The following ST6GALNAC3 variants were observed in gnomAD, a reference collection of about 807,000 sequenced individuals.
ST6GALNAC3 encodes ST6 N-acetylgalactosaminide alpha-2,6-sialyltransferase 3.
A neutral mutation model predicts 32.7 loss-of-function variants in ST6GALNAC3; 25 were observed. The ratio of observed to expected loss-of-function variants is 0.76; its 90% CI spans 0.56 to 1.07. ST6GALNAC3 has a LOEUF of 1.07. Among genes scored for constraint, ST6GALNAC3 ranks in the 50% least tolerant of loss-of-function variants. The probability of loss-of-function intolerance (pLI) is 0.00; values close to 1 mark genes in which losing one functional copy is unlikely to be tolerated. For missense variants in ST6GALNAC3, 355 were observed against 382.4 expected, an observed-to-expected ratio of 0.93 and a Z score of 0.60; for synonymous variants, 129 against 133.1, an observed-to-expected ratio of 0.97 and a Z score of 0.21.
intron 1 of ST6GALNAC3, among the ~76,000 whole-genome samples, chr1:76,159,304 T>C (rs1375136635): frequency 6.6e-6 from 1 of 152,248 alleles, no homozygotes; most frequent in African/African-American, 2.4e-5. Context: ...TTCTCATGCC[T>C]CAGCCTCCCA....
At chr1:76,162,770 G>T (rs531111790) in intron 1 of ST6GALNAC3, among the ~76,000 whole-genome samples, 13 of 152,182 alleles carry the variant, frequency 8.5e-5, no homozygotes, top group Non-Finnish European at 1.6e-4. Context: ...GTATGTAAGT[G>T]CCAGGTGAGC....
chr1:76,211,686 C>A (rs1159484696), intron 1 of ST6GALNAC3, among the ~76,000 whole-genome samples: 2 of 150,782 alleles, frequency 1.3e-5, no homozygotes, highest in African/African-American at 4.9e-5. Context: ...ATCACAAGGA[C>A]AAAATACCAA....
At chr1:76,524,885 A>T (rs1041497344) in intron 3 of ST6GALNAC3, among the ~76,000 whole-genome samples, 2 of 151,958 alleles carry the variant, frequency 1.3e-5, no homozygotes, top group Non-Finnish European at 2.9e-5. Flanking sequence ...AGAAATATAT[A>T]AAAAAATTTT....
chr1:76,145,952 T>A (rs555518257), intron 1 of ST6GALNAC3, among the ~76,000 whole-genome samples: 1 of 152,346 alleles, frequency 6.6e-6, no homozygotes, highest in East Asian at 1.9e-4. Context: ...TCTGGACCTG[T>A]ACCTAAGATA....
intron 3 of ST6GALNAC3, among the ~76,000 whole-genome samples, chr1:76,587,128 T>G (rs1438361892): frequency 6.6e-6 from 1 of 152,230 alleles, no homozygotes; most frequent in African/African-American, 2.4e-5. Flanking sequence ...ATTCTTAGAA[T>G]GACTTTATAT....
intron 3 of ST6GALNAC3, among the ~76,000 whole-genome samples, chr1:76,534,569 A>G (rs992400473): frequency 6.6e-6 from 1 of 152,030 alleles, no homozygotes; most frequent in Admixed American, 6.6e-5. Context: ...CTTGTCTCTC[A>G]TGTAATTCCT....
intron 1 of ST6GALNAC3, among the ~76,000 whole-genome samples, chr1:76,204,034 G>C (rs1389948238): frequency 2.6e-5 from 4 of 151,932 alleles, no homozygotes; most frequent in African/African-American, 7.3e-5. Context: ...ATCAACCTTT[G>C]TTTATCCCCT....
Position 76,422,871 on chromosome 1 carries a change from C to A in ST6GALNAC3, c.623+10454C>A, listed in dbSNP as rs867712130. Among the ~76,000 whole-genome samples the A allele has an allele frequency of 3.3e-5, 5 of 152,050 alleles. No homozygotes were observed. In the South Asian group the frequency reaches 6.2e-4, roughly 19 times the overall value. ...TTTTTCACGGCGAGGAGTTTTTTAA[C>A]CTCCTGTGAAAGTCCTACTGCAACT... is the stretch of plus-strand genomic sequence containing the variant. On this transcript the variant is annotated intron_variant, in intron 3 of 4. Coordinates refer to ENST00000328299, the MANE Select transcript of ST6GALNAC3 (RefSeq NM_152996.4).
chr1:76,437,158 CTTT>C (rs1283473524), intron 3 of ST6GALNAC3, among the ~76,000 whole-genome samples: 1 of 152,092 alleles, frequency 6.6e-6, no homozygotes, highest in Admixed American at 6.5e-5. Context: ...TTCTTGGTTT[CTTT>C]ATGTTTTTTC....
At chr1:76,408,681 C>T (rs1654005325) in intron 2 of ST6GALNAC3, among the ~76,000 whole-genome samples, 1 of 152,098 alleles carries the variant, frequency 6.6e-6, no homozygotes, top group Admixed American at 6.6e-5. Context: ...TACAGCAAAA[C>T]TGGCTAATTC....
intron 3 of ST6GALNAC3, among the ~76,000 whole-genome samples, chr1:76,583,308 T>C (rs1646917382): frequency 6.6e-6 from 1 of 152,184 alleles, no homozygotes; most frequent in Non-Finnish European, 1.5e-5. Flanking sequence ...CGACAAAATG[T>C]ATGCAAGTGA....
intron 3 of ST6GALNAC3, among the ~76,000 whole-genome samples, chr1:76,614,936 G>T (rs185687847): frequency 6.6e-6 from 1 of 151,856 alleles, no homozygotes; most frequent in Non-Finnish European, 1.5e-5. Context: ...GCAGGGTGTC[G>T]TCTGGGGTAT....
At chr1:76,480,184 A>G (rs1278570222) in intron 3 of ST6GALNAC3, among the ~76,000 whole-genome samples, 1 of 152,212 alleles carries the variant, frequency 6.6e-6, no homozygotes, top group Non-Finnish European at 1.5e-5. Context: ...TATAGTGCAA[A>G]TTAATATTCA....
rs1394897020 is a variant in ST6GALNAC3 at position 76,633,825 on chromosome 1, T to G, written c.*5019T>G. The G allele has an allele frequency of 6.6e-6, 1 of 152,172 alleles. No individual in the cohort carries two copies. Among genetic ancestry groups the G allele is most frequent in the South Asian group, 2.1e-4 (1 of 4,832 alleles). The allele number at this position is 152,172 out of a possible 1,614,324, so 9.4% of individuals were successfully genotyped here. On this transcript the variant is annotated 3_prime_UTR_variant, in exon 5 of 5. Transcript: ENST00000328299. ...GGATTTTTTTTTCTCTACAGTCCAT[T>G]TATATGATACTGTTAGAAGTGAAGA... is the stretch of plus-strand genomic sequence containing the variant.
intron 1 of ST6GALNAC3, among the ~76,000 whole-genome samples, chr1:76,252,227 C>T (rs527705371): frequency 1.3e-5 from 2 of 152,246 alleles, no homozygotes; most frequent in African/African-American, 4.8e-5. Context: ...GTCACTTGGA[C>T]ACTGGCTTTA....
chr1:76,083,383 A>C (rs1358159295), intron 1 of ST6GALNAC3, among the ~76,000 whole-genome samples: 1 of 152,240 alleles, frequency 6.6e-6, no homozygotes, highest in African/African-American at 2.4e-5. Flanking sequence ...CGAAAGAAAG[A>C]GAAGTGAAAG....
chr1:76,206,041 G>T (rs945671107), intron 1 of ST6GALNAC3, among the ~76,000 whole-genome samples: 6 of 152,202 alleles, frequency 3.9e-5, no homozygotes, highest in Admixed American at 1.3e-4. Context: ...ATTATGGCTT[G>T]GTTCTAGCTA....
rs377106809 is a variant in ST6GALNAC3 at position 76,116,658 on chromosome 1, C to T, written c.18+41774C>T. Among the ~76,000 whole-genome samples the T allele has an allele frequency of 4.0e-4, 61 of 152,074 alleles. No individual in the cohort carries two copies. The East Asian group carries it at 5.6e-3, about 14-fold the overall frequency. ...ATTTAAAGTAAAATCTGGCTGGGTG[C>T]GGTGGCTCACACCTGTAATCCCAGA... On this transcript the variant is annotated intron_variant, in intron 1 of 4. Transcript: ENST00000328299.
At chr1:76,480,800 A>G (rs567433343) in intron 3 of ST6GALNAC3, among the ~76,000 whole-genome samples, 1 of 152,292 alleles carries the variant, frequency 6.6e-6, no homozygotes, top group South Asian at 2.1e-4. Context: ...AATATTGTAT[A>G]TAGCAGTAAT....
Sources: allele counts gnomAD v4.1 joint callset (sites outside exome capture counted in the v4.1 genomes callset), GRCh38; gene constraint gnomAD v4.1.1; transcripts MANE v1.5; gene names NCBI Gene and HGNC (gene_info 2026-07-23, HGNC 2026-07-21).